TSHZ1: variants seen among roughly 807,000 people sequenced by gnomAD.
TSHZ1 encodes the protein teashirt zinc finger homeobox 1, also known as teashirt homolog 1.
In TSHZ1, 12 loss-of-function variants were observed where a neutral mutation model predicts 67.1. That is an observed-to-expected ratio of 0.18 (90% CI 0.11 to 0.29). The LOEUF (loss-of-function observed/expected upper bound fraction) is 0.29. Among genes scored for constraint, TSHZ1 ranks in the 10% least tolerant of loss-of-function variants. The probability of loss-of-function intolerance (pLI) is 1.00; values close to 1 mark genes in which losing one functional copy is unlikely to be tolerated. For missense variants in TSHZ1, 1,305 were observed against 1,413.9 expected (o/e 0.92, Z 1.23); for synonymous variants, 632 against 622.4 (o/e 1.02, Z -0.23).
chr18:75,246,427 T>TGTGTGTGTGTGTGTGTGTGTGTGTGG (rs2023224240), intron 1 of TSHZ1, among the ~76,000 whole-genome samples: 1 of 150,494 alleles, frequency 6.6e-6, no homozygotes, highest in Non-Finnish European at 1.5e-5. Flanking sequence ...TGTGTGTGTG[T>TGTGTGTGTGTGTGTGTGTGTGTGTGG]GTGTGTGTGT....
At chr18:75,263,651 GTTATGTTGT>G (rs1056337773) in intron 1 of TSHZ1, among the ~76,000 whole-genome samples, 2 of 151,986 alleles carry the variant, frequency 1.3e-5, no homozygotes, top group Non-Finnish European at 2.9e-5. Flanking sequence ...TTTTTTGTTT[GTTATGTTGT>G]TTGTATCAAC....
chr18:75,273,426 A>G (rs949816079), intron 1 of TSHZ1, among the ~76,000 whole-genome samples: 7 of 152,352 alleles, frequency 4.6e-5, no homozygotes, highest in Admixed American at 6.5e-5. Flanking sequence ...TACAGCTGTC[A>G]CTTCTCACCC....
rs904159313 is a variant in TSHZ1 at position 75,286,286 on chromosome 18, C to T, written c.879C>T (p.Ser293=). ...TKRWSKPRKR[S]LMEMEGKEDA... ...GGTGGTCCAAGCCCAGGAAGCGCTC[C>T]CTGATGGAGATGGAGGGGAAGGAGG... Residue 293 remains serine (S), a synonymous_variant, in exon 2 of 2, where the codon TCC becomes TCT. Coordinates refer to ENST00000580243, the MANE Select transcript of TSHZ1 (RefSeq NM_001308210.2). The surrounding 1 kb of genome is among the most constrained non-coding windows in gnomAD (Gnocchi z 5.1). The T allele has an allele frequency of 6.2e-7, 1 of 1,612,900 alleles. No individual in the cohort carries two copies. The highest frequency in any genetic ancestry group is 1.3e-5 in the African/African-American group (1 of 74,954).
chr18:75,285,836 C>T lies in TSHZ1; in HGVS notation c.429C>T (p.Thr143=), dbSNP rs2023748239. 6.2e-7 allele frequency: 1 copy of T among 1,613,812 alleles called. No homozygotes were observed. Among genetic ancestry groups the T allele is most frequent in the African/African-American group, 1.3e-5 (1 of 75,002 alleles). ...ALDLKKSGST[T]STNDASQKES... ...ATTTAAAGAAGTCGGGTTCCACCAC[C>T]AGCACCAACGATGCCAGCCAGAAGG... Residue 143 remains threonine, a synonymous_variant, in exon 2 of 2, where the codon ACC becomes ACT. Transcript: ENST00000580243.
rs996365935 is a variant in TSHZ1, at chr18:75,288,537, C to T, written c.3130C>T (p.Arg1044Trp). 8.1e-6 allele frequency: 13 copies of T among 1,614,098 alleles called. No homozygotes were observed. The highest frequency in any genetic ancestry group is 4.5e-5 in the East Asian group (2 of 44,894). Residue 1044 changes from arginine (R) to tryptophan (W), a missense_variant, in exon 2 of 2, where the codon CGG becomes TGG. By Grantham distance (101) the Arg-to-Trp change is moderately radical. Around this residue, in one of 3 missense-constraint regions of TSHZ1, gnomAD observed 909 missense variants for 961.8 expected, o/e 0.95. Transcript: ENST00000580243. This position sits in a 1 kb window ranked among gnomAD's most constrained non-coding sequence, Gnocchi z 4.9. ...CACATTCCAATGTAAGCTCTGCAAC[C>T]GGACTTTTGCGAGCAAGCACGCAGT... is the stretch of plus-strand genomic sequence containing the variant. The part of the protein sequence containing the change: ...GSTFQCKLCN[R>W]TFASKHAVKL...
At chr18:75,273,956 C>T (rs566144670) in intron 1 of TSHZ1, among the ~76,000 whole-genome samples, 48 of 152,336 alleles carry the variant, frequency 3.2e-4, no homozygotes, top group South Asian at 1.0e-3. Flanking sequence ...TGTGCGCACA[C>T]GCGTGCACTC....
chr18:75,234,699 G>A (rs1017811339), intron 1 of TSHZ1, among the ~76,000 whole-genome samples: 11 of 152,230 alleles, frequency 7.2e-5, no homozygotes, highest in African/African-American at 1.9e-4. Flanking sequence ...AAAATGCTGT[G>A]AGGTTGTGGA....
At chr18:75,240,019 A>C (rs1599034875) in intron 1 of TSHZ1, among the ~76,000 whole-genome samples, 1 of 152,190 alleles carries the variant, frequency 6.6e-6, no homozygotes, top group Admixed American at 6.5e-5. Flanking sequence ...TGTGATGAAT[A>C]TGGTAAAAAT....
chr18:75,235,939 A>G (rs931474959), intron 1 of TSHZ1, among the ~76,000 whole-genome samples: 1 of 152,114 alleles, frequency 6.6e-6, no homozygotes, highest in Admixed American at 6.5e-5. Flanking sequence ...CGGCGTTGAC[A>G]CTGTCTTCAC....
Position 75,287,798 on chromosome 18 carries a change from C to T in TSHZ1, c.2391C>T (p.Ala797=). The T allele has an allele frequency of 6.2e-7, 1 of 1,614,158 alleles. No homozygotes were observed. Among genetic ancestry groups the T allele is most frequent in the Non-Finnish European group, 8.5e-7 (1 of 1,180,054 alleles). Residue 797 remains alanine, a synonymous_variant, in exon 2 of 2, where the codon GCC becomes GCT. Transcript: ENST00000580243. The surrounding 1 kb of genome is among the most constrained non-coding windows in gnomAD (Gnocchi z 5.0). ...CCACCCCTGTGAAGCAGGCCGATGC[C>T]ATCGACCGCTACTATTATGAAAACA... The part of the protein sequence containing the change: ...YPATPVKQAD[A]IDRYYYENSD...
At chr18:75,239,395 A>G (rs1307135469) in intron 1 of TSHZ1, among the ~76,000 whole-genome samples, 1 of 152,216 alleles carries the variant, frequency 6.6e-6, no homozygotes, top group Non-Finnish European at 1.5e-5. Flanking sequence ...GGACACCTTG[A>G]CCATGTGCTT....
intron 1 of TSHZ1, among the ~76,000 whole-genome samples, chr18:75,270,319 G>A (rs2023542286): frequency 6.6e-6 from 1 of 152,218 alleles, no homozygotes; most frequent in Admixed American, 6.5e-5. Context: ...AGCTAACACA[G>A]TTAATACATG....
intron 1 of TSHZ1, among the ~76,000 whole-genome samples, chr18:75,282,187 G>T (rs1427182316): frequency 6.6e-6 from 1 of 152,190 alleles, no homozygotes; most frequent in Non-Finnish European, 1.5e-5. Context: ...CTTCCCGGGT[G>T]CAGAATGGAC....
At chr18:75,233,198 T>C (rs1314152640) in intron 1 of TSHZ1, among the ~76,000 whole-genome samples, 1 of 152,246 alleles carries the variant, frequency 6.6e-6, no homozygotes, top group Non-Finnish European at 1.5e-5. Context: ...ATATCAGTTA[T>C]ATCTGCAGTC....
intron 1 of TSHZ1, among the ~76,000 whole-genome samples, chr18:75,216,806 T>C (rs77432966): frequency 0.026 from 3,948 of 152,028 alleles, 176 homozygotes; most frequent in African/African-American, 0.089. Context: ...GAGGAGGGCC[T>C]GGGTGGGAAG....
At chr18:75,219,588 C>T (rs914143929) in intron 1 of TSHZ1, among the ~76,000 whole-genome samples, 2 of 152,176 alleles carry the variant, frequency 1.3e-5, no homozygotes, top group Admixed American at 6.5e-5. Flanking sequence ...CTTTGCCATG[C>T]AGTCTTTGCT....
At chr18:75,279,882 C>A (rs932634606) in intron 1 of TSHZ1, among the ~76,000 whole-genome samples, 1 of 152,162 alleles carries the variant, frequency 6.6e-6, no homozygotes, top group East Asian at 1.9e-4. Flanking sequence ...TTGCTTCTAG[C>A]GAATTTATTC....
intron 1 of TSHZ1, among the ~76,000 whole-genome samples, chr18:75,232,626 C>T (rs1046390098): frequency 3.9e-5 from 6 of 152,126 alleles, no homozygotes; most frequent in Admixed American, 1.3e-4. Flanking sequence ...GCTTTTCAGG[C>T]GCCAGTTCTA....
Position 75,211,859 on chromosome 18 carries a change from C to T in TSHZ1, c.-18C>T, listed in dbSNP as rs2022696770. 2 of 1,172,534 alleles carry T rather than the reference C, an allele frequency of 1.7e-6. No homozygotes were observed. The highest frequency in any genetic ancestry group is 2.1e-6 in the Non-Finnish European group (2 of 950,078). The allele number at this position is 1,172,534 out of a possible 1,614,324, so 72.6% of individuals were successfully genotyped here. ...ACTCCGGCGGCGGCTGAGGCGACGG[C>T]TGCGGCGGCCGAGCAGCATGCCGAG... On this transcript the variant is annotated 5_prime_UTR_variant, in exon 1 of 2. Coordinates refer to ENST00000580243, the MANE Select transcript of TSHZ1 (RefSeq NM_001308210.2).
Sources: gnomAD v4.1 joint callset for allele counts (sites outside exome capture counted in the v4.1 genomes callset) on GRCh38, gnomAD v4.1.1 for gene constraint, gnomAD v4.1.1 regional missense constraint, Gnocchi (gnomAD v3.1) non-coding constraint, MANE v1.5 for transcripts, NCBI Gene and HGNC (gene_info 2026-07-23, HGNC 2026-07-21) for gene names.